Variants in PLAA observed in about 807,000 individuals in gnomAD.
The protein encoded by PLAA is phospholipase A-2-activating protein.
PLAA carries 48 observed loss-of-function variants against 84.1 expected under a neutral mutation model. The observed-to-expected ratio is 0.57, with a 90% CI of 0.45 to 0.73. The LOEUF is 0.73. Ranked by LOEUF, PLAA falls within the 30% of genes least tolerant of loss-of-function variation. The pLI is 0.00. For synonymous variants in PLAA, 392 were observed against 336.6 expected (o/e 1.16, Z -1.80); for missense variants, 903 against 954.7 (o/e 0.95, Z 0.71).
intron 6 of PLAA, 67 bp downstream of exon 6, chr9:26,925,758 T>C (rs1824930056): frequency 1.4e-6 from 2 of 1,423,670 alleles, no homozygotes; most frequent in Middle Eastern, 1.8e-4. Flanking sequence ...GGCTTATCTC[T>C]GTACACTCTA....
At chr9:26,911,629 T>C (rs1824402087) in intron 11 of PLAA, among the ~76,000 whole-genome samples, 1 of 152,226 alleles carries the variant, frequency 6.6e-6, no homozygotes, top group Admixed American at 6.5e-5. Flanking sequence ...CTTAAGTCTC[T>C]ATTATATTAA....
At chr9:26,941,715 A>T (rs1314284087) in intron 1 of PLAA, among the ~76,000 whole-genome samples, 1 of 152,086 alleles carries the variant, frequency 6.6e-6, no homozygotes, top group Non-Finnish European at 1.5e-5. Flanking sequence ...AAACAAGGAC[A>T]TAATTTCACA....
chr9:26,917,066 G>GA (rs780899255), intron 10 of PLAA, 31 bp downstream of exon 10: 2 of 1,572,198 alleles, frequency 1.3e-6, no homozygotes, highest in Admixed American at 1.7e-5. Context: ...ATTTAGTGAA[G>GA]AAAGATACAT....
rs895528320 is a variant in PLAA, at chr9:26,923,158, A to G, written c.1039+20T>C. The G allele has an allele frequency of 6.6e-7, 1 of 1,525,118 alleles. No homozygotes were observed. Among genetic ancestry groups the G allele is most frequent in the Admixed American group, 2.0e-5 (1 of 48,974 alleles). 94.5% of individuals were successfully genotyped at this position (1,525,118 alleles called of 1,614,324 possible). A position where few individuals can be genotyped will look rare whatever the true frequency, so the allele number is the denominator to read the frequency against. On this transcript the variant is annotated intron_variant, in intron 7 of 13. Coordinates refer to ENST00000397292, the MANE Select transcript of PLAA (RefSeq NM_001031689.3). ...CCAAATATGGTGAATTTTTTCTACT[A>G]GGTACAATAAAATACTTACCAGGTT...
intron 6 of PLAA, among the ~76,000 whole-genome samples, 181 bp downstream of exon 6, chr9:26,925,644 G>T (rs1477104901): frequency 1.3e-5 from 2 of 151,284 alleles, no homozygotes; most frequent in Non-Finnish European, 2.9e-5. Context: ...TACAATACTG[G>T]TATATCATGC....
At chr9:26,923,146 A>T (rs1436873506) in intron 7 of PLAA, 32 bp downstream of exon 7, 2 of 1,475,186 alleles carry the variant, frequency 1.4e-6, no homozygotes, top group East Asian at 2.3e-5. Context: ...AATATGGTGA[A>T]TTTTTTCTAC....
At position 26,947,152 on chromosome 9, in the gene PLAA, G is replaced by A. The variant is rs967970644; in HGVS notation, c.-107C>T. The A allele has an allele frequency of 1.7e-5, 23 of 1,319,532 alleles. No homozygotes were observed. Among genetic ancestry groups the A allele is most frequent in the Non-Finnish European group, 2.1e-5 (21 of 1,010,726 alleles). 81.7% of individuals were successfully genotyped at this position (1,319,532 alleles called of 1,614,324 possible). ...GGCGGGAGAAGAGCCTGCAGGTAAG[G>A]GGCGGCCGGAGACCGGAAGAGCCCG... is the stretch of plus-strand genomic sequence containing the variant. On this transcript the variant is annotated 5_prime_UTR_variant, in exon 1 of 14. Transcript: ENST00000397292.
At chr9:26,923,445 AAT>A (rs1433006972) in intron 6 of PLAA, 98 bp from the exon 7 acceptor site, 6 of 873,902 alleles carry the variant, frequency 6.9e-6, no homozygotes, top group African/African-American at 3.3e-5. Flanking sequence ...TGTGTTTGTG[AAT>A]ATGAGAAATA....
chr9:26,908,610 C>T (rs1824309377), intron 12 of PLAA, among the ~76,000 whole-genome samples: 1 of 152,088 alleles, frequency 6.6e-6, no homozygotes, highest in Non-Finnish European at 1.5e-5. Flanking sequence ...GAACTACCAG[C>T]ATGCACCACC....
intron 1 of PLAA, among the ~76,000 whole-genome samples, chr9:26,938,489 C>T (rs903028620): frequency 6.8e-6 from 1 of 148,090 alleles, no homozygotes; most frequent in Non-Finnish European, 1.5e-5. Context: ...GAGTTTGAGA[C>T]TTAAGTGAGC....
intron 1 of PLAA, among the ~76,000 whole-genome samples, chr9:26,943,776 C>T (rs548314745): frequency 2.0e-5 from 3 of 151,946 alleles, no homozygotes; most frequent in South Asian, 4.2e-4. Context: ...GTAAGACGCT[C>T]ATCTCTACAA....
At chr9:26,932,129 T>C (rs867373309) in intron 2 of PLAA, among the ~76,000 whole-genome samples, 1 of 152,282 alleles carries the variant, frequency 6.6e-6, no homozygotes, top group African/African-American at 2.4e-5. Context: ...AAAACAGATG[T>C]GGACCTTATT....
At chr9:26,946,876 A>G (rs888044157) in intron 1 of PLAA, 21 bp downstream of exon 1, 2 of 1,560,054 alleles carry the variant, frequency 1.3e-6, no homozygotes, top group Non-Finnish European at 1.7e-6. Flanking sequence ...CAGCCGGGGC[A>G]ACCCGACTCC....
chr9:26,935,564 C>G (rs1050588713), intron 1 of PLAA, among the ~76,000 whole-genome samples: 2 of 152,102 alleles, frequency 1.3e-5, no homozygotes, highest in African/African-American at 4.8e-5. Flanking sequence ...ACGAAACATA[C>G]ATGCAATTAA....
chr9:26,916,064 T>C (rs1011873887), intron 10 of PLAA: 2 of 985,324 alleles, frequency 2.0e-6, no homozygotes, highest in Non-Finnish European at 2.4e-6. Flanking sequence ...TTACTTGTTA[T>C]CAATGCACAT....
At position 26,917,233 on chromosome 9, in the gene PLAA, CTTGT is replaced by C. The variant is rs1824592736; in HGVS notation, c.1418-72_1418-69del. The stretch of plus-strand genomic sequence containing the variant: ...TCTGAATTTTTCAAACAGCACAATG[CTTGT>C]TTTAGAAGAACCTACATTTGGAGAA... On this transcript the variant is annotated intron_variant, in intron 9 of 13. Transcript: ENST00000397292. 4.0e-6 allele frequency: 5 copies of C among 1,252,824 alleles called. No homozygotes were observed. The Admixed American group carries it at 5.4e-5, about 14-fold the overall frequency. 77.6% of individuals were successfully genotyped at this position (1,252,824 alleles called of 1,614,324 possible).
intron 1 of PLAA, among the ~76,000 whole-genome samples, chr9:26,938,744 C>T (rs979881273): frequency 1.3e-5 from 2 of 151,988 alleles, no homozygotes; most frequent in Admixed American, 6.6e-5. Context: ...CTTTTGATTT[C>T]TATGTCATTT....
intron 1 of PLAA, among the ~76,000 whole-genome samples, chr9:26,942,862 G>C (rs1441324000): frequency 2.4e-5 from 3 of 127,474 alleles, no homozygotes; most frequent in Non-Finnish European, 4.7e-5. Flanking sequence ...CTGGGCGACA[G>C]AGCGAGACTC....
chr9:26,910,097 AT>A (rs1206266005), intron 12 of PLAA, among the ~76,000 whole-genome samples: 1 of 151,924 alleles, frequency 6.6e-6, no homozygotes, highest in Non-Finnish European at 1.5e-5. Flanking sequence ...TCCACCTTTA[AT>A]TTTTTTTATT....
Sources: gnomAD v4.1 joint callset for allele counts (sites outside exome capture counted in the v4.1 genomes callset) on GRCh38, gnomAD v4.1.1 for gene constraint, MANE v1.5 for transcripts, NCBI Gene and HGNC (gene_info 2026-07-23, HGNC 2026-07-21) for gene names.